The following ACSF3 variants were observed in gnomAD, a reference collection of about 807,000 sequenced individuals.
The protein encoded by ACSF3 is acyl-CoA synthetase family member 3.
Under a neutral mutation model 53.2 loss-of-function variants are expected in ACSF3, and 78 were observed. That is an observed-to-expected ratio of 1.47 (90% CI 1.22 to 1.77). The LOEUF (loss-of-function observed/expected upper bound fraction) is 1.77, where lower values mean the gene tolerates loss of function less well. Among genes scored for constraint, ACSF3 ranks in the 40% most tolerant of loss-of-function variants. The probability of loss-of-function intolerance (pLI) is 0.00; values close to 1 mark genes in which losing one functional copy is unlikely to be tolerated. For missense variants in ACSF3, 937 were observed against 771.1 expected, an observed-to-expected ratio of 1.22 and a Z score of -2.55; for synonymous variants, 414 against 333.1, an observed-to-expected ratio of 1.24 and a Z score of -2.65.
intron 5 of ACSF3, 46 bp from the exon 6 acceptor site, chr16:89,114,293 A>T (rs1904644339): frequency 6.2e-7 from 1 of 1,610,896 alleles, no homozygotes; most frequent in Admixed American, 1.7e-5. Flanking sequence ...TGCACGCGAG[A>T]GCCACGTCCC....
At position 89,155,251 on chromosome 16, in the gene ACSF3, C is replaced by A; in HGVS notation, c.*1044C>A. The A allele has an allele frequency of 2.2e-6, 1 of 454,158 alleles. No individual in the cohort carries two copies. The highest frequency in any genetic ancestry group is 4.4e-6 in the Non-Finnish European group (1 of 226,804). The allele number at this position is 454,158 out of a possible 1,614,324, so 28.1% of individuals were successfully genotyped here. A position where few individuals can be genotyped will look rare whatever the true frequency, so the allele number is the denominator to read the frequency against. On this transcript the variant is annotated 3_prime_UTR_variant, in exon 11 of 11. Coordinates refer to ENST00000614302, the MANE Select transcript of ACSF3 (RefSeq NM_001243279.3). ...AGTAACAGTCATCGCCCAGCAGTGTCTGGCCTGAACTTACCCAGAACATTC... is the reference window on the plus strand; with the variant it reads ...AGTAACAGTCATCGCCCAGCAGTGTATGGCCTGAACTTACCCAGAACATTC...
chr16:89,111,309 C>T (rs556313197), intron 4 of ACSF3, among the ~76,000 whole-genome samples: 21 of 152,344 alleles, frequency 1.4e-4, no homozygotes, highest in South Asian at 8.3e-4. Flanking sequence ...CAGGCAGCTG[C>T]GGTGAGGCAC....
rs72817472 is a variant in ACSF3 at position 89,120,460 on chromosome 16, C to T, written c.1127-341C>T. The stretch of plus-strand genomic sequence containing the variant: ...TGGGAATGACACCAGAATCTGTGGG[C>T]AGCTGTGAGGCTTTGGGAAGTAACT... On this transcript the variant is annotated intron_variant, in intron 6 of 10. Coordinates refer to ENST00000614302, the MANE Select transcript of ACSF3 (RefSeq NM_001243279.3). Among the ~76,000 whole-genome samples the T allele has an allele frequency of 0.039, 5,990 of 152,306 alleles. 154 individuals are homozygous for T. The highest frequency in any genetic ancestry group is 0.14 in the East Asian group (698 of 5,162).
chr16:89,151,076 C>G, intron 10 of ACSF3: 1 of 1,285,320 alleles, frequency 7.8e-7, no homozygotes, highest in South Asian at 1.2e-5. Context: ...TTCTAAATAT[C>G]GGAAGGAAAC....
At position 89,155,266 on chromosome 16, in the gene ACSF3, C is replaced by A. The variant is rs571115288; in HGVS notation, c.*1059C>A. The A allele has an allele frequency of 2.0e-5, 9 of 454,124 alleles. No homozygotes were observed. The East Asian group carries it at 6.3e-4, about 32-fold the overall frequency. 28.1% of individuals were successfully genotyped at this position (454,124 alleles called of 1,614,324 possible). A position where few individuals can be genotyped will look rare whatever the true frequency, so the allele number is the denominator to read the frequency against. ...CCAGCAGTGTCTGGCCTGAACTTAC[C>A]CAGAACATTCTGCCCCCGGAATGCA... On this transcript the variant is annotated 3_prime_UTR_variant, in exon 11 of 11. Coordinates refer to ENST00000614302, the MANE Select transcript of ACSF3 (RefSeq NM_001243279.3).
Position 89,155,574 on chromosome 16 carries a change from A to G in ACSF3, c.*1367A>G, listed in dbSNP as rs1292633147. 2.2e-6 allele frequency: 1 copy of G among 454,002 alleles called. No homozygotes were observed. Among genetic ancestry groups the G allele is most frequent in the South Asian group, 1.6e-5 (1 of 64,466 alleles). The allele number at this position is 454,002 out of a possible 1,614,324, so 28.1% of individuals were successfully genotyped here. On this transcript the variant is annotated 3_prime_UTR_variant, in exon 11 of 11. Transcript: ENST00000614302. ...TCACGGTGTGGCCTTGTGCATCCCC[A>G]TGGCCTGACCCCGGGAACAGTCAGA...
At chr16:89,142,662 G>C (rs1366788330) in intron 8 of ACSF3, among the ~76,000 whole-genome samples, 1 of 146,412 alleles carries the variant, frequency 6.8e-6, no homozygotes, top group Non-Finnish European at 1.5e-5. Flanking sequence ...CCTGCAGACA[G>C]AGCCACACCT....
In ACSF3 at chr16:89,100,665, G is replaced by C; in HGVS notation, c.-17G>C. On this transcript the variant is annotated 5_prime_UTR_variant, in exon 3 of 11. Coordinates refer to ENST00000614302, the MANE Select transcript of ACSF3 (RefSeq NM_001243279.3). Reference sequence around the variant, plus strand: ...CCTGTGCCTTGCCTTTCTCCAGCTCGGCCGCCTGTCAGTGCAATGCTGCCC... The same window carrying C: ...CCTGTGCCTTGCCTTTCTCCAGCTCCGCCGCCTGTCAGTGCAATGCTGCCC... The C allele has an allele frequency of 6.3e-7, 1 of 1,575,674 alleles. No individual in the cohort carries two copies. Among genetic ancestry groups the C allele is most frequent in the Non-Finnish European group, 8.6e-7 (1 of 1,168,796 alleles).
chr16:89,114,319 C>A lies in ACSF3; in HGVS notation c.978-20C>A. On this transcript the variant is annotated intron_variant, in intron 5 of 10. Transcript: ENST00000614302. Reference sequence around the variant, plus strand: ...GCCACGTCCCAAGGGGCTAAACCTGCCTTTGGTTGTGCCGCGTAGGCTGAT... The same window carrying A: ...GCCACGTCCCAAGGGGCTAAACCTGACTTTGGTTGTGCCGCGTAGGCTGAT... 1 of 1,613,832 alleles carries A rather than the reference C, an allele frequency of 6.2e-7. No homozygotes were observed. Among genetic ancestry groups the A allele is most frequent in the Non-Finnish European group, 8.5e-7 (1 of 1,180,020 alleles).
chr16:89,135,387 G>A (rs1910221292), intron 8 of ACSF3, among the ~76,000 whole-genome samples: 1 of 152,254 alleles, frequency 6.6e-6, no homozygotes, highest in African/African-American at 2.4e-5. Context: ...AGGTGTGCTA[G>A]GTGTGTGGCA....
At chr16:89,122,083 C>G in intron 7 of ACSF3, among the ~76,000 whole-genome samples, 1 of 97,538 alleles carries the variant, frequency 1.0e-5, no homozygotes, top group Non-Finnish European at 2.3e-5. Context: ...AGTGGCCGCA[C>G]CTTGTGTGGA....
chr16:89,094,902 A>G (rs558922694), intron 1 of ACSF3, among the ~76,000 whole-genome samples: 2 of 152,330 alleles, frequency 1.3e-5, no homozygotes, highest in South Asian at 4.1e-4. Flanking sequence ...CTCAATAAAT[A>G]ATAAAACTGA....
intron 6 of ACSF3, among the ~76,000 whole-genome samples, chr16:89,119,334 G>T (rs779153379): frequency 2.0e-5 from 3 of 152,328 alleles, no homozygotes; most frequent in East Asian, 1.9e-4. Flanking sequence ...GCGAAAGGCC[G>T]CCTGTGATGG....
chr16:89,114,614 C>A, intron 6 of ACSF3, 127 bp downstream of exon 6: 1 of 1,400,582 alleles, frequency 7.1e-7, no homozygotes, highest in South Asian at 1.2e-5. Context: ...GTGGGACAGG[C>A]CACTCGGCCA....
intron 7 of ACSF3, among the ~76,000 whole-genome samples, chr16:89,126,804 G>A (rs1908210515): frequency 2.0e-5 from 3 of 152,164 alleles, no homozygotes; most frequent in Non-Finnish European, 4.4e-5. Flanking sequence ...CCCTGACTAG[G>A]ACTTCCAATA....
At chr16:89,124,405 G>A (rs115166698) in intron 7 of ACSF3, among the ~76,000 whole-genome samples, 3 of 14,504 alleles carry the variant, frequency 2.1e-4, no homozygotes, top group Non-Finnish European at 7.0e-4. Context: ...CACTGCTCAT[G>A]TGTGTGTTAC....
chr16:89,123,295 G>A (rs1907110960), intron 7 of ACSF3, among the ~76,000 whole-genome samples: 1 of 152,162 alleles, frequency 6.6e-6, no homozygotes, highest in African/African-American at 2.4e-5. Context: ...GTGATGATGG[G>A]CGCTGTGAAC....
At chr16:89,114,621 GC>G in intron 6 of ACSF3, 134 bp downstream of exon 6, 1 of 1,317,964 alleles carries the variant, frequency 7.6e-7, no homozygotes, top group Non-Finnish European at 1.1e-6. Context: ...AGGCCACTCG[GC>G]CAGGAGAGCA....
chr16:89,141,245 C>G, intron 8 of ACSF3: 1 of 1,287,274 alleles, frequency 7.8e-7, no homozygotes, highest in Non-Finnish European at 1.0e-6. Flanking sequence ...AAACCAGCCA[C>G]TTTTCCCCTT....
Sources: allele counts gnomAD v4.1 joint callset (sites outside exome capture counted in the v4.1 genomes callset), GRCh38; gene constraint gnomAD v4.1.1; transcripts MANE v1.5; gene names NCBI Gene and HGNC (gene_info 2026-07-23, HGNC 2026-07-21).